Variants in FBXL7 observed in about 807,000 individuals in gnomAD.
FBXL7 encodes the protein F-box and leucine rich repeat protein 7, also known as F-box/LRR-repeat protein 7.
A neutral mutation model predicts 38.3 loss-of-function variants in FBXL7; 12 were observed. That is an observed-to-expected ratio of 0.31 (90% confidence interval 0.20 to 0.51). The LOEUF (loss-of-function observed/expected upper bound fraction) is 0.51. FBXL7 is among the 20% of genes least tolerant of loss of function. FBXL7 has a pLI of 0.98. For synonymous variants in FBXL7, 297 were observed against 300.9 expected (o/e 0.99, Z 0.13); for missense variants, 567 against 676.4 (o/e 0.84, Z 1.79).
chr5:15,612,092 G>C (rs867793647), intron 1 of FBXL7, among the ~76,000 whole-genome samples: 2 of 152,098 alleles, frequency 1.3e-5, no homozygotes, highest in Non-Finnish European at 2.9e-5. Flanking sequence ...TTCAGTGGTG[G>C]TGATATTGCT....
intron 2 of FBXL7, among the ~76,000 whole-genome samples, chr5:15,837,587 A>G (rs1738627407): frequency 6.6e-6 from 1 of 152,210 alleles, no homozygotes; most frequent in Non-Finnish European, 1.5e-5. Flanking sequence ...GCAAAGTAAA[A>G]TTGAGCCAAA....
chr5:15,601,012 A>G (rs1739772346), intron 1 of FBXL7, among the ~76,000 whole-genome samples: 1 of 152,174 alleles, frequency 6.6e-6, no homozygotes, highest in Non-Finnish European at 1.5e-5. Flanking sequence ...TGCTCCCAAA[A>G]TCCTGCAAGA....
chr5:15,895,846 C>CTCTCTACT (rs1741088472), intron 2 of FBXL7, among the ~76,000 whole-genome samples: 1 of 151,016 alleles, frequency 6.6e-6, no homozygotes, highest in Non-Finnish European at 1.5e-5. Context: ...GGGTTTCACT[C>CTCTCTACT]TGTTAGCCAG....
At chr5:15,865,923 G>A (rs1036033789) in intron 2 of FBXL7, among the ~76,000 whole-genome samples, 5 of 152,154 alleles carry the variant, frequency 3.3e-5, no homozygotes, top group Non-Finnish European at 5.9e-5. Flanking sequence ...CAGGGAAAAT[G>A]CCCACATAAA....
At chr5:15,553,296 T>A (rs1187149886) in intron 1 of FBXL7, among the ~76,000 whole-genome samples, 1 of 152,214 alleles carries the variant, frequency 6.6e-6, no homozygotes, top group African/African-American at 2.4e-5. Context: ...GATCTGCTCT[T>A]TGTCGAGAAT....
At chr5:15,611,221 C>G (rs552868118) in intron 1 of FBXL7, among the ~76,000 whole-genome samples, 4 of 152,136 alleles carry the variant, frequency 2.6e-5, no homozygotes, top group African/African-American at 9.6e-5. Flanking sequence ...ACACACCTTC[C>G]CATATAAGGC....
At chr5:15,892,035 C>A (rs1740923872) in intron 2 of FBXL7, among the ~76,000 whole-genome samples, 1 of 152,244 alleles carries the variant, frequency 6.6e-6, no homozygotes, top group Non-Finnish European at 1.5e-5. Context: ...TGCTCACCAG[C>A]CTCCTGCCAG....
intron 2 of FBXL7, among the ~76,000 whole-genome samples, chr5:15,841,556 A>G (rs916834157): frequency 6.6e-6 from 1 of 152,128 alleles, no homozygotes; most frequent in Non-Finnish European, 1.5e-5. Context: ...ACCTTCTTGC[A>G]TTCCTGAAAT....
At position 15,774,044 on chromosome 5, in the gene FBXL7, C is replaced by A. The variant is rs571588547; in HGVS notation, c.128-153846C>A. ...CCACAAATTTAATGACAAAAAAAAA[C>A]CCCACAAGCCTCTTTTTTTACAGAT... On this transcript the variant is annotated intron_variant, in intron 2 of 3. Coordinates refer to ENST00000504595, the MANE Select transcript of FBXL7 (RefSeq NM_012304.5). Among the ~76,000 whole-genome samples, 10 of 151,910 alleles carry A rather than the reference C, an allele frequency of 6.6e-5. No individual in the cohort carries two copies. The South Asian group carries it at 1.0e-3, about 16-fold the overall frequency.
At chr5:15,607,488 G>A (rs1383790020) in intron 1 of FBXL7, 2 of 152,050 alleles carry the variant, frequency 1.3e-5, no homozygotes, top group Non-Finnish European at 2.9e-5. Flanking sequence ...TAACTGTCTT[G>A]AGCACTAGAA....
Position 15,634,096 on chromosome 5 carries a change from T to C in FBXL7, c.127+18024T>C, listed in dbSNP as rs568888899. 3.9e-5 allele frequency among the ~76,000 whole-genome samples: 6 copies of C among 151,980 alleles called. 1 individual carries two copies. In the South Asian group the frequency reaches 1.2e-3, roughly 32 times the overall value. ...ACACCCAGCTGGGGCAAAGATATTA[T>C]GTAATCTCAAAAATAAATTACATTC... On this transcript the variant is annotated intron_variant, in intron 2 of 3. Coordinates refer to ENST00000504595, the MANE Select transcript of FBXL7 (RefSeq NM_012304.5).
intron 2 of FBXL7, among the ~76,000 whole-genome samples, chr5:15,644,141 A>C (rs1741452795): frequency 6.6e-6 from 1 of 151,998 alleles, no homozygotes; most frequent in Non-Finnish European, 1.5e-5. Context: ...TGTCCCTACA[A>C]GGGAAAATAC....
intron 2 of FBXL7, among the ~76,000 whole-genome samples, chr5:15,735,551 GTT>G (rs1236865638): frequency 6.6e-6 from 1 of 152,210 alleles, no homozygotes; most frequent in East Asian, 1.9e-4. Flanking sequence ...ACAATTACAT[GTT>G]TGAGATTTCA....
chr5:15,764,760 A>T (rs1444980903), intron 2 of FBXL7, among the ~76,000 whole-genome samples: 2 of 152,222 alleles, frequency 1.3e-5, no homozygotes. Flanking sequence ...TGAAATACAA[A>T]CTGGGAAAAT....
chr5:15,884,121 T>A (rs1463323192), intron 2 of FBXL7, among the ~76,000 whole-genome samples: 3 of 152,092 alleles, frequency 2.0e-5, no homozygotes, highest in Non-Finnish European at 4.4e-5. Flanking sequence ...TGAGGCCACT[T>A]CTCTTGGCTT....
At chr5:15,822,840 TA>T (rs1481033731) in intron 2 of FBXL7, among the ~76,000 whole-genome samples, 1 of 152,264 alleles carries the variant, frequency 6.6e-6, no homozygotes, top group East Asian at 1.9e-4. Context: ...GCGTGCATAG[TA>T]AATCACCTAG....
chr5:15,819,818 A>G (rs778333363), intron 2 of FBXL7, among the ~76,000 whole-genome samples: 3 of 152,196 alleles, frequency 2.0e-5, no homozygotes, highest in Non-Finnish European at 2.9e-5. Flanking sequence ...AATGCCGGAA[A>G]GGAAACCTTC....
At chr5:15,640,400 A>G (rs1741321156) in intron 2 of FBXL7, among the ~76,000 whole-genome samples, 1 of 152,074 alleles carries the variant, frequency 6.6e-6, no homozygotes, top group Non-Finnish European at 1.5e-5. Flanking sequence ...TCTTTTAAGG[A>G]CAGCAGTTAT....
intron 2 of FBXL7, among the ~76,000 whole-genome samples, chr5:15,664,763 C>A (rs1461988221): frequency 1.3e-5 from 2 of 152,048 alleles, no homozygotes; most frequent in Non-Finnish European, 2.9e-5. Flanking sequence ...AGCCACCATG[C>A]CCGGCTTCAA....
Sources: allele counts gnomAD v4.1 joint callset (sites outside exome capture counted in the v4.1 genomes callset), GRCh38; gene constraint gnomAD v4.1.1; transcripts MANE v1.5; gene names NCBI Gene and HGNC (gene_info 2026-07-23, HGNC 2026-07-21).